Variants in ASXL1 observed in about 807,000 individuals in gnomAD.
The protein encoded by ASXL1 is polycomb group protein ASXL1.
ASXL1 carries 65 observed loss-of-function variants against 89.1 expected under a neutral mutation model. The observed-to-expected ratio is 0.73, with a 90% CI of 0.60 to 0.90. The LOEUF is 0.90. Among genes scored for constraint, ASXL1 ranks in the 40% least tolerant of loss-of-function variants. ASXL1 has a pLI of 0.00. For missense variants in ASXL1, 1,786 were observed against 1,942.9 expected (o/e 0.92, Z 1.52); for synonymous variants, 739 against 746.9 (o/e 0.99, Z 0.17).
intron 4 of ASXL1, chr20:32,427,733 C>T (rs1490949266): frequency 1.5e-5 from 4 of 275,838 alleles, no homozygotes; most frequent in African/African-American, 6.6e-5. Flanking sequence ...TTAGGTGCCC[C>T]TCTTCTGGGC....
chr20:32,374,068 A>G (rs1037501444), intron 4 of ASXL1, among the ~76,000 whole-genome samples: 2 of 152,150 alleles, frequency 1.3e-5, no homozygotes, highest in Non-Finnish European at 2.9e-5. Flanking sequence ...GCTGGAGTTC[A>G]GTGGTACAAT....
chr20:32,410,421 G>A (rs1300981870), intron 4 of ASXL1, among the ~76,000 whole-genome samples: 1 of 152,146 alleles, frequency 6.6e-6, no homozygotes, highest in Admixed American at 6.5e-5. Context: ...GACTACAGGT[G>A]TGAGCCACTG....
chr20:32,394,054 G>A (rs1203912936), intron 4 of ASXL1, among the ~76,000 whole-genome samples: 2 of 146,558 alleles, frequency 1.4e-5, no homozygotes, highest in Non-Finnish European at 3.0e-5. Flanking sequence ...CTGGGCTGGA[G>A]TGCAGTGGCG....
chr20:32,388,169 T>G (rs1240487569), intron 4 of ASXL1, among the ~76,000 whole-genome samples: 1 of 150,064 alleles, frequency 6.7e-6, no homozygotes, highest in Non-Finnish European at 1.5e-5. Context: ...GAAGATATAT[T>G]TTATTTATTT....
Position 32,435,493 on chromosome 20 carries a change from A to G in ASXL1, c.2781A>G (p.Gly927=). 6.2e-7 allele frequency: 1 copy of G among 1,614,080 alleles called. No homozygotes were observed. Among genetic ancestry groups the G allele is most frequent in the Non-Finnish European group, 8.5e-7 (1 of 1,180,046 alleles). ...EHIPSVEPQV[G]EEWEKAAPTP... ...TACCATCTGTTGAGCCCCAGGTTGG[A>G]GAGGAGTGGGAGAAAGCTGCTCCCA... The change falls in exon 13 of 13, where the codon GGA becomes GGG. Residue 927 remains glycine (G), a synonymous_variant. Transcript: ENST00000375687.
In ASXL1 at chr20:32,429,440, A is replaced by G; in HGVS notation, c.565+9A>G. On this transcript the variant is annotated intron_variant, in intron 7 of 12. Transcript: ENST00000375687. This position sits in a 1 kb window ranked among gnomAD's most constrained non-coding sequence, Gnocchi z 4.9. Reference sequence around the variant, plus strand: ...CGTGGAATCTGCATCAGGTATGTGTAAACTCATGGTTGTGATGCTTTTTCC... The same window carrying G: ...CGTGGAATCTGCATCAGGTATGTGTGAACTCATGGTTGTGATGCTTTTTCC... 1 of 1,612,546 alleles carries G rather than the reference A, an allele frequency of 6.2e-7. No homozygotes were observed. The highest frequency in any genetic ancestry group is 8.5e-7 in the Non-Finnish European group (1 of 1,178,610).
intron 1 of ASXL1, chr20:32,359,981 G>T: frequency 5.1e-6 from 3 of 583,480 alleles, no homozygotes; most frequent in South Asian, 2.0e-5. Flanking sequence ...TGTAATGGTT[G>T]TAATTCAGTT....
At position 32,401,544 on chromosome 20, in the gene ASXL1, G is replaced by GTGTGTTTT. The variant is rs35101542; in HGVS notation, c.253-26583_253-26582insGTGTTTTT. ...TATATGTGTGTGTGTGTGTGTGTGT[G>GTGTGTTTT]TTTTTTCCCCCCCCCCCTTTTTTTT... On this transcript the variant is annotated intron_variant, in intron 4 of 12. Coordinates refer to ENST00000375687, the MANE Select transcript of ASXL1 (RefSeq NM_015338.6). 1.6e-3 allele frequency among the ~76,000 whole-genome samples: 111 copies of GTGTGTTTT among 69,310 alleles called. 2 individuals are homozygous for GTGTGTTTT. The highest frequency in any genetic ancestry group is 7.8e-3 in the Middle Eastern group (1 of 128). 45.5% of individuals were successfully genotyped at this position (69,310 alleles called of 152,430 possible).
chr20:32,408,622 A>G (rs1220698651), intron 4 of ASXL1, among the ~76,000 whole-genome samples: 1 of 152,116 alleles, frequency 6.6e-6, no homozygotes, highest in Non-Finnish European at 1.5e-5. Context: ...ACGCAGTCCT[A>G]GCTTACTGCA....
intron 4 of ASXL1, among the ~76,000 whole-genome samples, chr20:32,418,061 C>T (rs1377422669): frequency 6.6e-6 from 1 of 152,028 alleles, no homozygotes; most frequent in African/African-American, 2.4e-5. Context: ...GCCTGTAACC[C>T]CAGCTACTTG....
At chr20:32,363,951 C>T (rs956105767) in intron 1 of ASXL1, among the ~76,000 whole-genome samples, 3 of 152,228 alleles carry the variant, frequency 2.0e-5, no homozygotes, top group Non-Finnish European at 4.4e-5. Context: ...TATGCCAGGC[C>T]AGTGAGCACC....
At chr20:32,372,774 T>C (rs1177470476) in intron 4 of ASXL1, among the ~76,000 whole-genome samples, 1 of 151,646 alleles carries the variant, frequency 6.6e-6, no homozygotes, top group African/African-American at 2.4e-5. Context: ...TTTGTATTTT[T>C]AGTAGAGATG....
chr20:32,417,898 G>T (rs949497509), intron 4 of ASXL1, among the ~76,000 whole-genome samples: 6 of 152,054 alleles, frequency 3.9e-5, no homozygotes, highest in Non-Finnish European at 1.5e-5. Flanking sequence ...AAAAAAGTTG[G>T]CCGGGCGCGG....
chr20:32,423,866 AC>A (rs1238261450), intron 4 of ASXL1, among the ~76,000 whole-genome samples: 1 of 152,190 alleles, frequency 6.6e-6, no homozygotes, highest in Non-Finnish European at 1.5e-5. Context: ...GGACTTTGAG[AC>A]CAGCCTGGGC....
At chr20:32,364,914 G>A (rs891635368) in intron 1 of ASXL1, among the ~76,000 whole-genome samples, 6 of 152,212 alleles carry the variant, frequency 3.9e-5, no homozygotes, top group African/African-American at 1.4e-4. Flanking sequence ...GGACTGGATG[G>A]AGGGATAAAT....
chr20:32,363,735 A>AC (rs1034075036), intron 1 of ASXL1, among the ~76,000 whole-genome samples: 1 of 152,200 alleles, frequency 6.6e-6, no homozygotes, highest in Non-Finnish European at 1.5e-5. Flanking sequence ...TTGAAGGGTA[A>AC]CTAGGAGTTA....
In ASXL1 at chr20:32,434,626, C is replaced by A; in HGVS notation, c.1914C>A (p.Thr638=). 1 of 1,609,586 alleles carries A rather than the reference C, an allele frequency of 6.2e-7. No homozygotes were observed. The highest frequency in any genetic ancestry group is 8.5e-7 in the Non-Finnish European group (1 of 1,177,858). The change falls in exon 13 of 13, where the codon ACC becomes ACA. Residue 638 remains threonine, a synonymous_variant. Transcript: ENST00000375687. ...RGHHCHREAA[T]TAIGGGGGPG... ...ACCACTGCCATAGAGAGGCGGCCAC[C>A]ACTGCCATCGGAGGGGGGGGTGGCC... is the stretch of plus-strand genomic sequence containing the variant.
At chr20:32,406,483 C>G (rs2048957949) in intron 4 of ASXL1, among the ~76,000 whole-genome samples, 1 of 152,096 alleles carries the variant, frequency 6.6e-6, no homozygotes, top group Admixed American at 6.5e-5. Flanking sequence ...CCCAGGAGGT[C>G]AAGGCTACAG....
At position 32,421,866 on chromosome 20, in the gene ASXL1, C is replaced by CTT. The variant is rs71299232; in HGVS notation, c.253-6243_253-6242dup. On this transcript the variant is annotated intron_variant, in intron 4 of 12. Coordinates refer to ENST00000375687, the MANE Select transcript of ASXL1 (RefSeq NM_015338.6). ...TGGGGTGAGAGGGGTGGTTTCTTTT[C>CTT]TTTTTTTTTTTTTTTTTTTTGAGAC... 7.0e-3 allele frequency among the ~76,000 whole-genome samples: 737 copies of CTT among 105,236 alleles called. 22 individuals carry two copies. Among genetic ancestry groups the CTT allele is most frequent in the Non-Finnish European group, 9.4e-3 (494 of 52,610 alleles). 69.0% of individuals were successfully genotyped at this position (105,236 alleles called of 152,430 possible).
Sources: allele counts gnomAD v4.1 joint callset (sites outside exome capture counted in the v4.1 genomes callset), GRCh38; gene constraint gnomAD v4.1.1; non-coding constraint Gnocchi (gnomAD v3.1); transcripts MANE v1.5; gene names NCBI Gene and HGNC (gene_info 2026-07-23, HGNC 2026-07-21).